The following ZBTB20 variants were observed in gnomAD, a reference collection of about 807,000 sequenced individuals.
ZBTB20 encodes zinc finger and BTB domain containing 20.
A neutral mutation model predicts 56.9 loss-of-function variants in ZBTB20; 9 were observed. The ratio of observed to expected loss-of-function variants is 0.16; its 90% CI spans 0.10 to 0.28. ZBTB20 has a LOEUF of 0.28. ZBTB20 is among the 10% of genes least tolerant of loss of function. The pLI, the probability that ZBTB20 is intolerant of heterozygous loss-of-function variation, is 1.00. For missense variants in ZBTB20, 655 were observed against 1,003.0 expected, an observed-to-expected ratio of 0.65 and a Z score of 4.69; for synonymous variants, 417 against 420.7, an observed-to-expected ratio of 0.99 and a Z score of 0.11.
intron 6 of ZBTB20, among the ~76,000 whole-genome samples, chr3:114,533,507 C>T (rs2669883): frequency 0.1 from 15,476 of 152,030 alleles, 2,134 homozygotes; most frequent in African/African-American, 0.32. Context: ...ACCAAACCTA[C>T]GTTTCATTGG....
At chr3:115,029,730 CAAAAT>C (rs2080586614) in intron 2 of ZBTB20, among the ~76,000 whole-genome samples, 1 of 150,156 alleles carries the variant, frequency 6.7e-6, no homozygotes, top group Admixed American at 6.7e-5. Flanking sequence ...CACTGTATAT[CAAAAT>C]AAAATTCCAG....
chr3:114,411,813 A>G (rs990871081), intron 7 of ZBTB20, among the ~76,000 whole-genome samples: 2 of 152,166 alleles, frequency 1.3e-5, no homozygotes, highest in Non-Finnish European at 2.9e-5. Flanking sequence ...AAGGAGTGGA[A>G]GGACGATTTT....
At chr3:114,388,910 A>T (rs2085480382) in intron 8 of ZBTB20, 95 bp downstream of exon 8, 1 of 152,264 alleles carries the variant, frequency 6.6e-6, no homozygotes, top group South Asian at 2.1e-4. Flanking sequence ...GAAGCCATCT[A>T]AAATTTTGCC....
chr3:114,455,677 G>A (rs1281171147), intron 7 of ZBTB20, among the ~76,000 whole-genome samples: 1 of 152,130 alleles, frequency 6.6e-6, no homozygotes, highest in East Asian at 1.9e-4. Flanking sequence ...TCAGTGGGCA[G>A]ATAGGCAGAC....
chr3:114,340,672 C>T (rs1042537507), intron 11 of ZBTB20, among the ~76,000 whole-genome samples: 5 of 152,292 alleles, frequency 3.3e-5, no homozygotes, highest in Admixed American at 6.5e-5. Context: ...AGATGAACTG[C>T]GTGTTTGGTC....
At chr3:114,872,543 T>C (rs1163049354) in intron 4 of ZBTB20, among the ~76,000 whole-genome samples, 1 of 151,814 alleles carries the variant, frequency 6.6e-6, no homozygotes, top group Non-Finnish European at 1.5e-5. Flanking sequence ...ACTGAAGTAA[T>C]GGCTTAATGC....
chr3:114,330,845 A>G lies in ZBTB20; in HGVS notation c.*8160T>C, dbSNP rs377691944. ...CTGAATTCCAGGCCACCAAACCCTCAGAGTCCATTCATTCAGTATATTATA... is the reference window on the plus strand; with the variant it reads ...CTGAATTCCAGGCCACCAAACCCTCGGAGTCCATTCATTCAGTATATTATA... On this transcript the variant is annotated 3_prime_UTR_variant, in exon 12 of 12. Coordinates refer to ENST00000675478, the MANE Select transcript of ZBTB20 (RefSeq NM_001348800.3). The G allele has an allele frequency of 8.5e-5, 13 of 152,352 alleles. No homozygotes were observed. Among genetic ancestry groups the G allele is most frequent in the African/African-American group, 3.1e-4 (13 of 41,578 alleles). The allele number at this position is 152,352 out of a possible 1,614,324, so 9.4% of individuals were successfully genotyped here. A position where few individuals can be genotyped will look rare whatever the true frequency, so the allele number is the denominator to read the frequency against.
At chr3:115,100,871 G>C (rs1457477782) in intron 1 of ZBTB20, among the ~76,000 whole-genome samples, 1 of 152,164 alleles carries the variant, frequency 6.6e-6, no homozygotes. Context: ...CTTAAAGGAG[G>C]CTCTGTAAGA....
intron 1 of ZBTB20, among the ~76,000 whole-genome samples, chr3:115,124,968 A>C (rs192627365): frequency 3.0e-4 from 46 of 151,900 alleles, no homozygotes; most frequent in Admixed American, 2.8e-3. Flanking sequence ...CTATAAACAA[A>C]CCCTGTGACA....
rs189299342 is a variant in ZBTB20 at position 114,571,715 on chromosome 3, C to G, written c.-294-71324G>C. On this transcript the variant is annotated intron_variant, in intron 6 of 11. Transcript: ENST00000675478. ...GTACCTGGTCTAGGACCAGCTGCAT[C>G]AGAACCACCTGCTGAGCATGTTAAA... Among the ~76,000 whole-genome samples, 312 of 152,220 alleles carry G rather than the reference C, an allele frequency of 2.0e-3. 4 individuals are homozygous for G. Among genetic ancestry groups the G allele is most frequent in the Non-Finnish European group, 1.6e-3 (112 of 68,000 alleles).
intron 2 of ZBTB20, among the ~76,000 whole-genome samples, chr3:115,004,449 G>C (rs921994966): frequency 6.6e-6 from 1 of 151,478 alleles, no homozygotes; most frequent in African/African-American, 2.4e-5. Flanking sequence ...ATAGCTATTT[G>C]GGGACTTAGC....
At chr3:114,999,909 A>T (rs962902300) in intron 2 of ZBTB20, among the ~76,000 whole-genome samples, 1 of 151,740 alleles carries the variant, frequency 6.6e-6, no homozygotes, top group African/African-American at 2.4e-5. Context: ...TGCATAATTT[A>T]AATAAAATGG....
intron 2 of ZBTB20, among the ~76,000 whole-genome samples, chr3:115,044,335 AT>A (rs977403871): frequency 2.0e-5 from 3 of 152,212 alleles, no homozygotes; most frequent in African/African-American, 7.2e-5. Flanking sequence ...AACTAAATCC[AT>A]AGAGCTGATT....
intron 5 of ZBTB20, among the ~76,000 whole-genome samples, chr3:114,749,119 C>T (rs1364412007): frequency 6.6e-6 from 1 of 152,152 alleles, no homozygotes; most frequent in African/African-American, 2.4e-5. Context: ...AATAACATGT[C>T]CTCCAAAACC....
intron 5 of ZBTB20, among the ~76,000 whole-genome samples, chr3:114,727,259 C>G (rs1343900865): frequency 6.6e-6 from 1 of 152,120 alleles, no homozygotes; most frequent in African/African-American, 2.4e-5. Flanking sequence ...TTCAAGAATT[C>G]AAAATAACAG....
At chr3:114,582,121 TAA>T (rs2054692736) in intron 6 of ZBTB20, 4 of 152,164 alleles carry the variant, frequency 2.6e-5, no homozygotes, top group Admixed American at 2.6e-4. Flanking sequence ...TACCTTTTGT[TAA>T]AACTTTGGAA....
intron 2 of ZBTB20, among the ~76,000 whole-genome samples, chr3:115,024,972 T>A (rs2080359779): frequency 6.6e-6 from 1 of 151,200 alleles, no homozygotes; most frequent in Non-Finnish European, 1.5e-5. Flanking sequence ...AGTTCAGGGG[T>A]ACAAGTACAT....
intron 5 of ZBTB20, among the ~76,000 whole-genome samples, chr3:114,696,608 C>A (rs2063032826): frequency 6.6e-6 from 1 of 151,988 alleles, no homozygotes; most frequent in Non-Finnish European, 1.5e-5. Flanking sequence ...TCCCTCCAAC[C>A]TCCCTTATCA....
chr3:114,892,638 C>G (rs2076858161), intron 4 of ZBTB20, among the ~76,000 whole-genome samples: 1 of 118,594 alleles, frequency 8.4e-6, no homozygotes, highest in African/African-American at 2.9e-5. Context: ...TGGCACTTCT[C>G]TCACTCTAGT....
Sources: gnomAD v4.1 joint callset for allele counts (sites outside exome capture counted in the v4.1 genomes callset) on GRCh38, gnomAD v4.1.1 for gene constraint, MANE v1.5 for transcripts, NCBI Gene and HGNC (gene_info 2026-07-23, HGNC 2026-07-21) for gene names.